Variants in DHX36 observed in about 807,000 individuals in gnomAD.
The protein encoded by DHX36 is DEAH-box helicase 36.
In DHX36, 50 loss-of-function variants were observed where a neutral mutation model predicts 139.0. That is an observed-to-expected ratio of 0.36 (90% CI 0.29 to 0.46). DHX36 has a LOEUF of 0.46. Among genes scored for constraint, DHX36 ranks in the 20% least tolerant of loss-of-function variants. The pLI is 1.00. For missense variants in DHX36, 1,024 were observed against 1,211.3 expected (o/e 0.85, Z 2.29); for synonymous variants, 425 against 401.9 (o/e 1.06, Z -0.69).
intron 17 of DHX36, 80 bp from the exon 18 acceptor site, chr3:154,285,067 G>C: frequency 7.0e-7 from 1 of 1,424,142 alleles, no homozygotes; most frequent in Admixed American, 1.9e-5. Context: ...TTTAAAAAGA[G>C]TAACAAGCCA....
rs1559946852 is a variant in DHX36 at position 154,286,184 on chromosome 3, A to AC, written c.2032-1198_2032-1197insG. Among the ~76,000 whole-genome samples, 84 of 149,724 alleles carry AC rather than the reference A, an allele frequency of 5.6e-4. 1 individual carries two copies. The South Asian group carries it at 0.012, about 22-fold the overall frequency. On this transcript the variant is annotated intron_variant, in intron 17 of 24. Transcript: ENST00000496811. Reference sequence around the variant, plus strand: ...CACACACCAAAAAAAAAAAAAAAAAAAAAAAAAACACCAACAAACACTTTA... The same window carrying AC: ...CACACACCAAAAAAAAAAAAAAAAAACAAAAAAAACACCAACAAACACTTTA...
chr3:154,275,019 A>G lies in DHX36; in HGVS notation c.*1152T>C, dbSNP rs781284929. ...ATTTACGAAAATATTTCAGGGACAAATAACAACTAAGATTCAGAGAGTACA... is the reference window on the plus strand; with the variant it reads ...ATTTACGAAAATATTTCAGGGACAAGTAACAACTAAGATTCAGAGAGTACA... On this transcript the variant is annotated 3_prime_UTR_variant, in exon 25 of 25. Transcript: ENST00000496811. 7.9e-5 allele frequency: 12 copies of G among 152,242 alleles called. No individual in the cohort carries two copies. Among genetic ancestry groups the G allele is most frequent in the African/African-American group, 2.9e-4 (12 of 41,468 alleles). 9.4% of individuals were successfully genotyped at this position (152,242 alleles called of 1,614,324 possible). A position where few individuals can be genotyped will look rare whatever the true frequency, so the allele number is the denominator to read the frequency against.
intron 1 of DHX36, among the ~76,000 whole-genome samples, chr3:154,323,278 T>C (rs1038622430): frequency 6.6e-6 from 1 of 151,788 alleles, no homozygotes; most frequent in Non-Finnish European, 1.5e-5. Flanking sequence ...GAGGTTGCAG[T>C]GAGCTAAGAT....
chr3:154,299,593 T>A (rs1712185936), intron 12 of DHX36: 1 of 435,002 alleles, frequency 2.3e-6, no homozygotes. Flanking sequence ...GGCCAAGGGA[T>A]TTCTTTTTTG....
Position 154,300,973 on chromosome 3 carries a change from C to G in DHX36, c.1358+14G>C. On this transcript the variant is annotated intron_variant, in intron 10 of 24. Transcript: ENST00000496811. The stretch of plus-strand genomic sequence containing the variant: ...TAGCCACTGATTTCTCACCTTCAGA[C>G]AAAATAAACTTACCTTCTTCGCAGT... 6.2e-7 allele frequency: 1 copy of G among 1,609,118 alleles called. No homozygotes were observed. Among genetic ancestry groups the G allele is most frequent in the Non-Finnish European group, 8.5e-7 (1 of 1,179,020 alleles).
intron 1 of DHX36, among the ~76,000 whole-genome samples, chr3:154,321,592 T>C (rs889059617): frequency 6.6e-6 from 1 of 152,206 alleles, no homozygotes; most frequent in Admixed American, 6.5e-5. Context: ...GTGCTTAAGA[T>C]ACTGTCACAA....
chr3:154,289,862 G>A, intron 15 of DHX36, 36 bp from the exon 16 acceptor site: 4 of 1,331,282 alleles, frequency 3.0e-6, no homozygotes, highest in Admixed American at 2.0e-5. Context: ...AAACAAAGAG[G>A]GACAGTCATC....
intron 17 of DHX36, among the ~76,000 whole-genome samples, chr3:154,287,329 C>T (rs116564374): frequency 1.3e-5 from 2 of 152,000 alleles, no homozygotes; most frequent in Non-Finnish European, 2.9e-5. Flanking sequence ...AAAGCAATAA[C>T]CTTTGAGAAT....
At chr3:154,298,681 C>T (rs1398551949) in intron 12 of DHX36, among the ~76,000 whole-genome samples, 1 of 151,962 alleles carries the variant, frequency 6.6e-6, no homozygotes, top group Non-Finnish European at 1.5e-5. Context: ...CTTGGGAGGC[C>T]GAGGCAGGCA....
At chr3:154,291,961 G>A (rs1388374047) in intron 15 of DHX36, among the ~76,000 whole-genome samples, 6 of 152,192 alleles carry the variant, frequency 3.9e-5, no homozygotes, top group Non-Finnish European at 7.3e-5. Flanking sequence ...ATGAGGAAAA[G>A]TACTTTCCTT....
chr3:154,289,526 T>C (rs1711699716), intron 16 of DHX36, among the ~76,000 whole-genome samples, 183 bp downstream of exon 16: 1 of 152,150 alleles, frequency 6.6e-6, no homozygotes, highest in Non-Finnish European at 1.5e-5. Context: ...GAGCAGTATA[T>C]AATTTAAAAG....
chr3:154,313,731 CCAGT>C (rs1362082170), intron 3 of DHX36, among the ~76,000 whole-genome samples: 1 of 151,762 alleles, frequency 6.6e-6, no homozygotes, highest in Non-Finnish European at 1.5e-5. Context: ...TAACTGGCAT[CCAGT>C]AAGTAGAAAA....
chr3:154,300,731 A>C (rs1414309567), intron 10 of DHX36, 35 bp from the exon 11 acceptor site: 1 of 1,539,298 alleles, frequency 6.5e-7, no homozygotes, highest in African/African-American at 1.4e-5. Context: ...TGAAATACTT[A>C]ATCAAGTTTT....
chr3:154,293,216 A>G lies in DHX36; in HGVS notation c.1671-522T>C, dbSNP rs145792293. On this transcript the variant is annotated intron_variant, in intron 14 of 24. Transcript: ENST00000496811. ...CTCAGCTCCCATGCTTCTTTAGGAA[A>G]ACAAAACAAACAAAAACCAACACCT... 1.5e-3 allele frequency among the ~76,000 whole-genome samples: 229 copies of G among 152,298 alleles called. 1 individual carries two copies. The highest frequency in any genetic ancestry group is 5.4e-3 in the African/African-American group (225 of 41,558).
intron 15 of DHX36, among the ~76,000 whole-genome samples, chr3:154,292,344 A>G (rs1181504190): frequency 6.6e-6 from 1 of 152,244 alleles, no homozygotes; most frequent in Non-Finnish European, 1.5e-5. Context: ...ATTGAAGGCA[A>G]AAGATTCATA....
In DHX36 at chr3:154,274,730, T is replaced by C. The variant is rs1377007653; in HGVS notation, c.*1441A>G. 1 of 152,192 alleles carries C rather than the reference T, an allele frequency of 6.6e-6. No homozygotes were observed. The highest frequency in any genetic ancestry group is 1.5e-5 in the Non-Finnish European group (1 of 68,058). 9.4% of individuals were successfully genotyped at this position (152,192 alleles called of 1,614,324 possible). A position where few individuals can be genotyped will look rare whatever the true frequency, so the allele number is the denominator to read the frequency against. ...CCTTATCAATTACTTATAAGGGGGATAAGACCACATGTGATTCATTTAGAA... is the reference window on the plus strand; with the variant it reads ...CCTTATCAATTACTTATAAGGGGGACAAGACCACATGTGATTCATTTAGAA... On this transcript the variant is annotated 3_prime_UTR_variant, in exon 25 of 25. Coordinates refer to ENST00000496811, the MANE Select transcript of DHX36 (RefSeq NM_020865.3).
chr3:154,292,724 AAAACAC>A (rs1711871907), intron 14 of DHX36, 30 bp from the exon 15 acceptor site: 2 of 1,563,246 alleles, frequency 1.3e-6, no homozygotes, highest in African/African-American at 1.7e-5. Context: ...ATAAAATGTT[AAAACAC>A]ACACACACAC....
At position 154,315,056 on chromosome 3, in the gene DHX36, A is replaced by G; in HGVS notation, c.593T>C (p.Ile198Thr). The G allele has an allele frequency of 6.3e-7, 1 of 1,594,046 alleles. No individual in the cohort carries two copies. ...LQKKKNDLRY[I>T]EMQHFREKLP... ...ACATCTTTCTACTACCTGCATTTCA[A>G]TATACCGAAGGTCATTTTTTTTCTT... is the stretch of plus-strand genomic sequence containing the variant. The change falls in exon 3 of 25, where the codon ATT (isoleucine) becomes ACT (threonine). Residue 198 changes from isoleucine (I) to threonine (T), a missense_variant. Transcript: ENST00000496811.
intron 1 of DHX36, among the ~76,000 whole-genome samples, chr3:154,323,101 G>A (rs1339374789): frequency 6.6e-6 from 1 of 152,188 alleles, no homozygotes; most frequent in Non-Finnish European, 1.5e-5. Context: ...TTGGGAGGCC[G>A]AGTTGGGTGG....
Sources: gnomAD v4.1 joint callset for allele counts (sites outside exome capture counted in the v4.1 genomes callset) on GRCh38, gnomAD v4.1.1 for gene constraint, MANE v1.5 for transcripts, NCBI Gene and HGNC (gene_info 2026-07-23, HGNC 2026-07-21) for gene names.